Variants in CADM1 observed in about 807,000 individuals in gnomAD.
CADM1 encodes cell adhesion molecule 1.
CADM1 carries 15 observed loss-of-function variants against 53.1 expected under a neutral mutation model. The observed-to-expected ratio is 0.28, with a 90% CI of 0.19 to 0.44. The LOEUF (loss-of-function observed/expected upper bound fraction) is 0.44, where lower values mean the gene tolerates loss of function less well. Among genes scored for constraint, CADM1 ranks in the 20% least tolerant of loss-of-function variants. The pLI, the probability that CADM1 is intolerant of heterozygous loss-of-function variation, is 1.00. For synonymous variants in CADM1, 281 were observed against 243.0 expected, an observed-to-expected ratio of 1.16 and a Z score of -1.45; for missense variants, 434 against 611.3, an observed-to-expected ratio of 0.71 and a Z score of 3.06.
chr11:115,172,050 C>T lies in CADM1; in HGVS notation c.*4424G>A, dbSNP rs1356645213. The T allele has an allele frequency of 6.6e-6, 1 of 152,228 alleles. No homozygotes were observed. Among genetic ancestry groups the T allele is most frequent in the Non-Finnish European group, 1.5e-5 (1 of 68,062 alleles). The allele number at this position is 152,228 out of a possible 1,614,324, so 9.4% of individuals were successfully genotyped here. On this transcript the variant is annotated 3_prime_UTR_variant, in exon 12 of 12. Coordinates refer to ENST00000331581, the MANE Select transcript of CADM1 (RefSeq NM_001301043.2). ...TTGGCTGAGCGCTGACTGCATATCT[C>T]ACTGATCTTTCCTAACAACCTTCGA... is the stretch of plus-strand genomic sequence containing the variant.
chr11:115,240,107 A>G (rs1326172109), intron 2 of CADM1, among the ~76,000 whole-genome samples, 167 bp downstream of exon 2: 1 of 152,184 alleles, frequency 6.6e-6, no homozygotes, highest in East Asian at 1.9e-4. Context: ...CAAGGTTTCT[A>G]TTAAGTAGAA....
At chr11:115,201,486 C>G (rs1940426554) in intron 8 of CADM1, among the ~76,000 whole-genome samples, 1 of 152,122 alleles carries the variant, frequency 6.6e-6, no homozygotes, top group African/African-American at 2.4e-5. Context: ...CTCTGTGAGG[C>G]AGGATTTATT....
At chr11:115,442,554 C>T (rs1165533311) in intron 1 of CADM1, among the ~76,000 whole-genome samples, 2 of 152,140 alleles carry the variant, frequency 1.3e-5, no homozygotes, top group Admixed American at 6.6e-5. Flanking sequence ...AAGTAGATAC[C>T]TACCACAAAG....
chr11:115,350,954 T>C (rs1168214307), intron 1 of CADM1, among the ~76,000 whole-genome samples: 2 of 151,830 alleles, frequency 1.3e-5, no homozygotes, highest in African/African-American at 4.8e-5. Context: ...TCAAGCTTCT[T>C]GCCTAACAAG....
chr11:115,319,267 CA>C (rs1425332852), intron 1 of CADM1, among the ~76,000 whole-genome samples: 3 of 152,066 alleles, frequency 2.0e-5, no homozygotes, highest in African/African-American at 4.8e-5. Context: ...CTGGTTGTGC[CA>C]AAAGCAGCTC....
At chr11:115,394,230 T>A (rs1946927734) in intron 1 of CADM1, among the ~76,000 whole-genome samples, 1 of 152,210 alleles carries the variant, frequency 6.6e-6, no homozygotes, top group African/African-American at 2.4e-5. Context: ...CAGATCTCTA[T>A]CTAAAGCAAG....
At chr11:115,395,141 A>G (rs184238490) in intron 1 of CADM1, among the ~76,000 whole-genome samples, 3 of 152,330 alleles carry the variant, frequency 2.0e-5, no homozygotes, top group Admixed American at 6.5e-5. Flanking sequence ...TATTTTTTAA[A>G]TGCCAAAGCC....
At chr11:115,241,960 G>A (rs552808081) in intron 1 of CADM1, among the ~76,000 whole-genome samples, 50 of 149,576 alleles carry the variant, frequency 3.3e-4, no homozygotes, top group African/African-American at 1.1e-3. Flanking sequence ...TATTTCTGTT[G>A]AAGGATCCTT....
At chr11:115,369,095 C>T (rs978283406) in intron 1 of CADM1, among the ~76,000 whole-genome samples, 5 of 123,872 alleles carry the variant, frequency 4.0e-5, no homozygotes, top group Middle Eastern at 5.7e-3. Context: ...ATCCTAAAAA[C>T]GGAAGCCTCT....
intron 1 of CADM1, among the ~76,000 whole-genome samples, chr11:115,373,058 T>G (rs957331778): frequency 1.4e-4 from 21 of 152,214 alleles, no homozygotes; most frequent in Non-Finnish European, 2.6e-4. Context: ...TTTAAGCAAA[T>G]CTACTCCAGT....
intron 1 of CADM1, among the ~76,000 whole-genome samples, chr11:115,257,186 A>G (rs888214943): frequency 1.3e-5 from 2 of 152,198 alleles, no homozygotes; most frequent in African/African-American, 4.8e-5. Flanking sequence ...AAAGAAAAAA[A>G]TAATCTAATG....
chr11:115,391,727 A>G (rs1946841549), intron 1 of CADM1, among the ~76,000 whole-genome samples: 1 of 152,192 alleles, frequency 6.6e-6, no homozygotes, highest in Admixed American at 6.5e-5. Flanking sequence ...TCACACTGAC[A>G]AAACTTCTCT....
chr11:115,376,652 G>A (rs1443541220), intron 1 of CADM1, among the ~76,000 whole-genome samples: 1 of 152,166 alleles, frequency 6.6e-6, no homozygotes, highest in Non-Finnish European at 1.5e-5. Context: ...TTATTCAATA[G>A]TCATAAACCA....
chr11:115,176,740 G>T, intron 11 of CADM1, 148 bp from the exon 12 acceptor site: 1 of 747,054 alleles, frequency 1.3e-6, no homozygotes. Flanking sequence ...AGAGAGCGGG[G>T]TGGGTGAGAC....
chr11:115,382,555 G>A (rs1324906717), intron 1 of CADM1, among the ~76,000 whole-genome samples: 1 of 152,066 alleles, frequency 6.6e-6, no homozygotes, highest in South Asian at 2.1e-4. Flanking sequence ...AAATAAATGA[G>A]TTTAACAATT....
intron 1 of CADM1, among the ~76,000 whole-genome samples, chr11:115,431,943 A>T (rs561679373): frequency 7.3e-5 from 11 of 150,788 alleles, no homozygotes; most frequent in Non-Finnish European, 1.3e-4. Flanking sequence ...CATATATATA[A>T]TATATATAAT....
At chr11:115,200,488 C>CTTTCT in intron 8 of CADM1, among the ~76,000 whole-genome samples, 1 of 152,162 alleles carries the variant, frequency 6.6e-6, no homozygotes, top group African/African-American at 2.4e-5. Flanking sequence ...TTCTAATGTG[C>CTTTCT]TTTCTTTTCT....
intron 1 of CADM1, among the ~76,000 whole-genome samples, chr11:115,256,043 T>C (rs1462690701): frequency 1.3e-5 from 2 of 152,226 alleles, no homozygotes; most frequent in Non-Finnish European, 2.9e-5. Flanking sequence ...GTTTTATTGT[T>C]ACTGTGTGTT....
At chr11:115,402,787 G>T (rs1309624152) in intron 1 of CADM1, among the ~76,000 whole-genome samples, 1 of 152,058 alleles carries the variant, frequency 6.6e-6, no homozygotes, top group Non-Finnish European at 1.5e-5. Context: ...TAGCACCTTT[G>T]TATGTTACTG....
Sources: allele counts gnomAD v4.1 joint callset (sites outside exome capture counted in the v4.1 genomes callset), GRCh38; gene constraint gnomAD v4.1.1; transcripts MANE v1.5; gene names NCBI Gene and HGNC (gene_info 2026-07-23, HGNC 2026-07-21).